The following MYRIP variants were observed in gnomAD, a reference collection of about 807,000 sequenced individuals.
MYRIP encodes rab effector MyRIP.
MYRIP carries 49 observed loss-of-function variants against 98.0 expected under a neutral mutation model. That is an observed-to-expected ratio of 0.50 (90% CI 0.40 to 0.63). MYRIP has a LOEUF of 0.63. Among genes scored for constraint, MYRIP ranks in the 30% least tolerant of loss-of-function variants. The pLI is 0.00. For missense variants in MYRIP, 1,004 were observed against 1,058.2 expected (o/e 0.95, Z 0.71); for synonymous variants, 404 against 409.5 (o/e 0.99, Z 0.16).
chr3:40,037,261 G>A (rs1042056051), intron 2 of MYRIP, among the ~76,000 whole-genome samples: 5 of 152,058 alleles, frequency 3.3e-5, no homozygotes, highest in South Asian at 2.1e-4. Flanking sequence ...CCTTTGTCCC[G>A]TACCTGTGAA....
At chr3:40,192,119 AATT>A (rs1951230611) in intron 10 of MYRIP, among the ~76,000 whole-genome samples, 2 of 147,166 alleles carry the variant, frequency 1.4e-5, no homozygotes, top group Non-Finnish European at 3.0e-5. Flanking sequence ...TTTTTTGGTT[AATT>A]ATTATTATCA....
At chr3:40,096,206 G>A (rs1178480805) in intron 3 of MYRIP, among the ~76,000 whole-genome samples, 1 of 152,032 alleles carries the variant, frequency 6.6e-6, no homozygotes, top group African/African-American at 2.4e-5. Context: ...CATCCTCAAA[G>A]AGCAGTCTCA....
Position 40,244,469 on chromosome 3 carries a change from G to A in MYRIP, c.2124G>A (p.Val708=), listed in dbSNP as rs1461752185. Reference sequence around the variant, plus strand: ...AGGTATACCTGGCAGCAGGCACTGTGTATGGACTGGAGACCCAGCTGACTG... The same window carrying A: ...AGGTATACCTGGCAGCAGGCACTGTATATGGACTGGAGACCCAGCTGACTG... The part of the protein sequence containing the change: ...EENVYLAAGT[V]YGLETQLTEL... The change falls in exon 13 of 17, where the codon GTG becomes GTA. Residue 708 remains valine (V), a synonymous_variant. Coordinates refer to ENST00000302541, the MANE Select transcript of MYRIP (RefSeq NM_015460.4). 3.7e-6 allele frequency: 6 copies of A among 1,613,702 alleles called. No individual in the cohort carries two copies. In the African/African-American group the frequency reaches 8.0e-5, roughly 22 times the overall value.
chr3:40,049,229 A>T (rs1292025037), intron 3 of MYRIP, among the ~76,000 whole-genome samples: 2 of 152,084 alleles, frequency 1.3e-5, no homozygotes, highest in Non-Finnish European at 2.9e-5. Flanking sequence ...CAGATATTAC[A>T]TTTTTTACAA....
intron 1 of MYRIP, among the ~76,000 whole-genome samples, chr3:39,811,105 G>T (rs1940671750): frequency 6.6e-6 from 1 of 152,136 alleles, no homozygotes; most frequent in African/African-American, 2.4e-5. Context: ...CTGTGGTGTT[G>T]TGGGCGCTTC....
At chr3:40,147,238 A>G (rs1950028458) in intron 3 of MYRIP, among the ~76,000 whole-genome samples, 1 of 152,142 alleles carries the variant, frequency 6.6e-6, no homozygotes, top group Non-Finnish European at 1.5e-5. Context: ...TTTAACTAGC[A>G]TATTGAAACC....
intron 2 of MYRIP, among the ~76,000 whole-genome samples, chr3:39,931,834 A>G (rs749666159): frequency 1.3e-5 from 2 of 152,136 alleles, no homozygotes; most frequent in Non-Finnish European, 2.9e-5. Flanking sequence ...TGTTATACCA[A>G]TTTTGCATTC....
intron 1 of MYRIP, among the ~76,000 whole-genome samples, chr3:39,866,711 T>A (rs1942639282): frequency 2.0e-5 from 3 of 152,304 alleles, no homozygotes; most frequent in Admixed American, 2.0e-4. Flanking sequence ...CTTCCTATGT[T>A]CTTGGATTGG....
intron 9 of MYRIP, among the ~76,000 whole-genome samples, chr3:40,185,440 G>C (rs901252661): frequency 6.6e-6 from 1 of 152,180 alleles, no homozygotes; most frequent in Non-Finnish European, 1.5e-5. Flanking sequence ...AATAATGGAA[G>C]AGCAGGAATT....
intron 3 of MYRIP, among the ~76,000 whole-genome samples, chr3:40,074,997 G>A (rs923418948): frequency 2.0e-5 from 3 of 151,958 alleles, no homozygotes; most frequent in Non-Finnish European, 4.4e-5. Context: ...AATAGAAAAA[G>A]GACATGTGAA....
intron 16 of MYRIP, among the ~76,000 whole-genome samples, chr3:40,254,193 T>C (rs906822763): frequency 2.0e-5 from 3 of 152,178 alleles, no homozygotes; most frequent in Admixed American, 2.0e-4. Flanking sequence ...AAGTTAAGGA[T>C]GTGCACACAG....
intron 5 of MYRIP, among the ~76,000 whole-genome samples, chr3:40,163,667 CT>C (rs1950443218): frequency 6.6e-6 from 1 of 152,154 alleles, no homozygotes; most frequent in African/African-American, 2.4e-5. Context: ...AGACTCAGGA[CT>C]TAAACCAGCA....
At chr3:40,135,761 G>A (rs1949751178) in intron 3 of MYRIP, among the ~76,000 whole-genome samples, 1 of 152,150 alleles carries the variant, frequency 6.6e-6, no homozygotes, top group Admixed American at 6.5e-5. Context: ...TTTCAACCCA[G>A]AATTTCATAT....
intron 3 of MYRIP, among the ~76,000 whole-genome samples, chr3:40,070,958 T>C (rs1044828376): frequency 6.6e-6 from 1 of 152,138 alleles, no homozygotes. Flanking sequence ...CCATATACCT[T>C]AAAGCACAAA....
At chr3:40,017,026 G>C (rs1050283310) in intron 2 of MYRIP, among the ~76,000 whole-genome samples, 4 of 152,136 alleles carry the variant, frequency 2.6e-5, no homozygotes, top group Non-Finnish European at 5.9e-5. Flanking sequence ...ACAGAGATCT[G>C]ATTTCTGTCT....
chr3:39,995,833 A>T (rs544279445), intron 2 of MYRIP, among the ~76,000 whole-genome samples: 1 of 152,318 alleles, frequency 6.6e-6, no homozygotes, highest in South Asian at 2.1e-4. Flanking sequence ...CTAACAGCTG[A>T]TCTCTTCGCA....
chr3:39,988,421 G>A (rs1946089105), intron 2 of MYRIP, among the ~76,000 whole-genome samples: 1 of 152,064 alleles, frequency 6.6e-6, no homozygotes, highest in Non-Finnish European at 1.5e-5. Context: ...TAGGTGACCT[G>A]GTCTTTCTCT....
chr3:39,927,481 A>G (rs1398017650), intron 2 of MYRIP, among the ~76,000 whole-genome samples: 1 of 151,982 alleles, frequency 6.6e-6, no homozygotes, highest in East Asian at 1.9e-4. Flanking sequence ...ACAACCTCCC[A>G]AAATGGAATC....
intron 2 of MYRIP, among the ~76,000 whole-genome samples, chr3:40,026,112 G>A (rs1368545261): frequency 6.6e-6 from 1 of 152,082 alleles, no homozygotes. Context: ...GCATAAGATA[G>A]ACACTCCCAG....
Sources: allele counts gnomAD v4.1 joint callset (sites outside exome capture counted in the v4.1 genomes callset), GRCh38; gene constraint gnomAD v4.1.1; transcripts MANE v1.5; gene names NCBI Gene and HGNC (gene_info 2026-07-23, HGNC 2026-07-21).